Variants in FTCDNL1 observed in about 807,000 individuals in gnomAD.
FTCDNL1 encodes formiminotransferase cyclodeaminase N-terminal like, also known as formiminotransferase N-terminal subdomain-containing protein.
Under a neutral mutation model 5.9 loss-of-function variants are expected in FTCDNL1, and 11 were observed. That is an observed-to-expected ratio of 1.87 (90% CI 1.18 to 3.10). The LOEUF (loss-of-function observed/expected upper bound fraction) is 3.10, where lower values mean the gene tolerates loss of function less well. Ranked by LOEUF, FTCDNL1 falls within the 30% of genes most tolerant of loss-of-function variation. The pLI, the probability that FTCDNL1 is intolerant of heterozygous loss-of-function variation, is 0.00. For missense variants in FTCDNL1, 115 were observed against 65.5 expected (o/e 1.76, Z -2.61); for synonymous variants, 58 against 24.8 (o/e 2.34, Z -3.99).
chr2:199,668,299 A>C, the FTCDNL1 span, among the ~76,000 whole-genome samples: 1 of 152,204 alleles, frequency 6.6e-6, no homozygotes, highest in Non-Finnish European at 1.5e-5. Flanking sequence ...ATAGTTTTTC[A>C]TAAATAGGAG....
chr2:199,843,749 G>T (rs1395218715), intron 3 of FTCDNL1, among the ~76,000 whole-genome samples: 2 of 152,130 alleles, frequency 1.3e-5, no homozygotes, highest in Non-Finnish European at 1.5e-5. Context: ...AAGATTATAA[G>T]CCTCTGCATC....
chr2:199,664,896 G>A, the FTCDNL1 span, among the ~76,000 whole-genome samples: 3 of 152,028 alleles, frequency 2.0e-5, no homozygotes, highest in Admixed American at 6.6e-5. Flanking sequence ...CCAATAGCCT[G>A]GACAACCAGT....
Position 199,811,589 on chromosome 2 carries a change from C to T in FTCDNL1, c.*1116G>A, listed in dbSNP as rs958884095. Reference sequence around the variant, plus strand: ...CCAGTCACATTCAGTTATTCACATGCAATTCATCAGCCTGAGGGAGCAAGT... The same window carrying T: ...CCAGTCACATTCAGTTATTCACATGTAATTCATCAGCCTGAGGGAGCAAGT... On this transcript the variant is annotated 3_prime_UTR_variant, in exon 5 of 5. Coordinates refer to ENST00000420128, the MANE Select transcript of FTCDNL1 (RefSeq NM_001363886.2). 3.9e-5 allele frequency among the ~76,000 whole-genome samples: 6 copies of T among 152,202 alleles called. No individual in the cohort carries two copies. The highest frequency in any genetic ancestry group is 8.8e-5 in the Non-Finnish European group (6 of 68,044).
At chr2:199,697,696 T>C in the FTCDNL1 span, among the ~76,000 whole-genome samples, 1 of 152,164 alleles carries the variant, frequency 6.6e-6, no homozygotes, top group East Asian at 1.9e-4. Flanking sequence ...ACATAGAACA[T>C]TGACACTATA....
downstream of FTCDNL1, among the ~76,000 whole-genome samples, chr2:199,809,264 T>A (rs1375870905): frequency 3.3e-5 from 5 of 152,096 alleles, no homozygotes; most frequent in African/African-American, 1.2e-4. Context: ...TTTTAACTTT[T>A]TTTTTTCTAA....
downstream of FTCDNL1, among the ~76,000 whole-genome samples, chr2:199,804,993 G>GT (rs1559202885): frequency 6.6e-6 from 1 of 152,194 alleles, no homozygotes; most frequent in Non-Finnish European, 1.5e-5. Context: ...CAGAGCTGGG[G>GT]CTCAGGCGTC....
At chr2:199,745,322 T>G in the FTCDNL1 span, among the ~76,000 whole-genome samples, 2 of 152,360 alleles carry the variant, frequency 1.3e-5, no homozygotes, top group South Asian at 4.1e-4. Context: ...TAAATAACCT[T>G]TAATCAAGTA....
intron 2 of FTCDNL1, among the ~76,000 whole-genome samples, chr2:199,848,197 A>G (rs1468080331): frequency 6.6e-6 from 1 of 152,246 alleles, no homozygotes; most frequent in Non-Finnish European, 1.5e-5. Flanking sequence ...GAACATTTTA[A>G]AAAATGAAAT....
chr2:199,830,827 C>T (rs1426371095), intron 3 of FTCDNL1, among the ~76,000 whole-genome samples: 2 of 152,082 alleles, frequency 1.3e-5, no homozygotes, highest in African/African-American at 4.8e-5. Flanking sequence ...AACATGCTGA[C>T]TAGAACTGGA....
At chr2:199,699,697 C>T in the FTCDNL1 span, among the ~76,000 whole-genome samples, 1 of 152,132 alleles carries the variant, frequency 6.6e-6, no homozygotes, top group Non-Finnish European at 1.5e-5. Flanking sequence ...AAAGCTAGTC[C>T]ACCATGATCA....
intron 3 of FTCDNL1, among the ~76,000 whole-genome samples, chr2:199,803,511 C>A (rs559520518): frequency 6.6e-6 from 1 of 152,144 alleles, no homozygotes; most frequent in African/African-American, 2.4e-5. Flanking sequence ...ACTCTGTCAC[C>A]GAGGATAGAA....
the FTCDNL1 span, among the ~76,000 whole-genome samples, chr2:199,745,544 G>A: frequency 3.8e-4 from 58 of 152,238 alleles, no homozygotes; most frequent in African/African-American, 1.2e-3. Flanking sequence ...CATAGCACTC[G>A]TACACATCAT....
In FTCDNL1 at chr2:199,812,057, A is replaced by G. The variant is rs1427100959; in HGVS notation, c.*648T>C. 6.6e-6 allele frequency among the ~76,000 whole-genome samples: 1 copy of G among 152,242 alleles called. No homozygotes were observed. The highest frequency in any genetic ancestry group is 2.4e-5 in the African/African-American group (1 of 41,476). ...AAGAGGTAATCACTTAACACAGAAT[A>G]ATCATTTTTCAAACAGACCCTTGTT... On this transcript the variant is annotated 3_prime_UTR_variant, in exon 5 of 5. Transcript: ENST00000420128.
chr2:199,795,201 C>T (rs1169425055), intron 3 of FTCDNL1, among the ~76,000 whole-genome samples: 1 of 152,208 alleles, frequency 6.6e-6, no homozygotes, highest in Non-Finnish European at 1.5e-5. Flanking sequence ...CAGTATGGCA[C>T]TGACTGGAGA....
the FTCDNL1 span, among the ~76,000 whole-genome samples, chr2:199,673,498 C>T: frequency 6.6e-6 from 1 of 152,004 alleles, no homozygotes; most frequent in African/African-American, 2.4e-5. Context: ...TTCGTGATGA[C>T]ATCATTTTTT....
At chr2:199,780,014 T>G (rs1699285145) in intron 3 of FTCDNL1, among the ~76,000 whole-genome samples, 1 of 152,084 alleles carries the variant, frequency 6.6e-6, no homozygotes, top group Non-Finnish European at 1.5e-5. Flanking sequence ...CTAGCCCTGA[T>G]GAAATAAAAA....
At chr2:199,847,747 A>G (rs1040407998) in intron 2 of FTCDNL1, among the ~76,000 whole-genome samples, 3 of 152,218 alleles carry the variant, frequency 2.0e-5, no homozygotes, top group African/African-American at 7.2e-5. Context: ...CATTCACTTA[A>G]TCACAGAGAC....
chr2:199,725,646 C>G, the FTCDNL1 span, among the ~76,000 whole-genome samples: 4 of 152,070 alleles, frequency 2.6e-5, no homozygotes, highest in East Asian at 7.7e-4. Context: ...GCTTATGAAG[C>G]TTAGTTTGGC....
the FTCDNL1 span, among the ~76,000 whole-genome samples, chr2:199,750,100 T>G: frequency 1.3e-5 from 2 of 151,556 alleles, no homozygotes; most frequent in Non-Finnish European, 2.9e-5. Flanking sequence ...ACATCTGTGA[T>G]CCCAACACTT....
Sources: gnomAD v4.1 joint callset for allele counts (sites outside exome capture counted in the v4.1 genomes callset) on GRCh38, gnomAD v4.1.1 for gene constraint, MANE v1.5 for transcripts, NCBI Gene and HGNC (gene_info 2026-07-23, HGNC 2026-07-21) for gene names.